LARS2: variants seen among roughly 807,000 people sequenced by gnomAD.
LARS2 encodes leucyl-tRNA synthetase 2, mitochondrial, also known as leucine--tRNA ligase, mitochondrial.
In LARS2, 81 loss-of-function variants were observed where a neutral mutation model predicts 116.6. The observed-to-expected ratio is 0.69, with a 90% CI of 0.58 to 0.84. The LOEUF is 0.84. LARS2 is among the 40% of genes least tolerant of loss of function. The pLI is 0.00. For synonymous variants in LARS2, 396 were observed against 407.2 expected, an observed-to-expected ratio of 0.97 and a Z score of 0.33; for missense variants, 968 against 1,114.5, an observed-to-expected ratio of 0.87 and a Z score of 1.87.
intron 10 of LARS2, among the ~76,000 whole-genome samples, chr3:45,479,126 G>A (rs563739751): frequency 6.6e-6 from 1 of 152,210 alleles, no homozygotes; most frequent in South Asian, 2.1e-4. Flanking sequence ...TCCTGTAGTT[G>A]CTAAGTTTGT....
intron 4 of LARS2, among the ~76,000 whole-genome samples, chr3:45,406,165 A>T (rs1410935355): frequency 1.3e-5 from 2 of 152,202 alleles, no homozygotes; most frequent in African/African-American, 4.8e-5. Context: ...GAGCCTGTGG[A>T]ATTTGAGAAA....
intron 2 of LARS2, among the ~76,000 whole-genome samples, chr3:45,393,263 A>G (rs550510748): frequency 5.2e-5 from 5 of 96,126 alleles, no homozygotes; most frequent in African/African-American, 2.0e-4. Context: ...CCCTGCTAGT[A>G]TGTAATAAGT....
At chr3:45,496,403 A>G (rs1241948861) in intron 14 of LARS2, 30 bp downstream of exon 14, 1 of 1,519,926 alleles carries the variant, frequency 6.6e-7, no homozygotes, top group East Asian at 2.2e-5. Flanking sequence ...GTCTTTGAGC[A>G]TTTGTCAGTG....
At chr3:45,500,325 A>G in intron 14 of LARS2, 117 bp from the exon 15 acceptor site, 1 of 1,051,870 alleles carries the variant, frequency 9.5e-7, no homozygotes, top group Non-Finnish European at 1.4e-6. Context: ...TAAAAAAATC[A>G]TTGTTATTCC....
intron 19 of LARS2, among the ~76,000 whole-genome samples, chr3:45,522,485 C>T (rs557206530): frequency 1.1e-4 from 17 of 152,370 alleles, no homozygotes; most frequent in Non-Finnish European, 1.5e-4. Context: ...AATCCCAGCA[C>T]TGCGGGAGGT....
At chr3:45,545,105 T>G (rs939287883) in intron 21 of LARS2, among the ~76,000 whole-genome samples, 4 of 152,188 alleles carry the variant, frequency 2.6e-5, no homozygotes, top group African/African-American at 9.7e-5. Flanking sequence ...TGACTTCACT[T>G]CATGTGCCTC....
intron 15 of LARS2, among the ~76,000 whole-genome samples, chr3:45,508,203 A>C (rs1700227158): frequency 6.6e-6 from 1 of 152,096 alleles, no homozygotes; most frequent in Non-Finnish European, 1.5e-5. Context: ...AGAAGCAAGC[A>C]GCTGCTCAGG....
intron 6 of LARS2, among the ~76,000 whole-genome samples, chr3:45,426,201 C>T (rs765578512): frequency 9.9e-5 from 15 of 152,032 alleles, no homozygotes; most frequent in Admixed American, 5.2e-4. Flanking sequence ...ACGAAGCCTC[C>T]GGAATAATAG....
chr3:45,540,132 G>C (rs937167491), intron 20 of LARS2, among the ~76,000 whole-genome samples: 1 of 151,788 alleles, frequency 6.6e-6, no homozygotes, highest in African/African-American at 2.4e-5. Context: ...GGTGGCAGGC[G>C]CCTGTAACCC....
Position 45,519,993 on chromosome 3 carries a change from C to G in LARS2, c.2215-226C>G, listed in dbSNP as rs925534819. Among the ~76,000 whole-genome samples the G allele has an allele frequency of 2.6e-5, 4 of 151,994 alleles. No homozygotes were observed. In the East Asian group the frequency reaches 7.7e-4, roughly 29 times the overall value. ...CACCTACTATGAGAACCAACAGTAT[C>G]CCAGATATGTGGAAGAATAGTCTTA... On this transcript the variant is annotated intron_variant, in intron 18 of 21. Transcript: ENST00000645846.
chr3:45,437,311 G>C (rs1698824555), intron 6 of LARS2, among the ~76,000 whole-genome samples: 1 of 152,206 alleles, frequency 6.6e-6, no homozygotes, highest in Non-Finnish European at 1.5e-5. Context: ...CCTAAAGTTA[G>C]TCCTAAGATA....
intron 1 of LARS2, among the ~76,000 whole-genome samples, chr3:45,390,559 G>A (rs920016464): frequency 6.6e-6 from 1 of 151,814 alleles, no homozygotes; most frequent in African/African-American, 2.4e-5. Context: ...TGATCTGCCC[G>A]CCTCAGCCTC....
intron 10 of LARS2, among the ~76,000 whole-genome samples, chr3:45,478,596 A>G (rs979991187): frequency 6.6e-6 from 1 of 152,198 alleles, no homozygotes; most frequent in Non-Finnish European, 1.5e-5. Context: ...TAGTCATTTC[A>G]TTTTGGCAAA....
At chr3:45,511,976 A>G (rs995357161) in intron 15 of LARS2, among the ~76,000 whole-genome samples, 1 of 151,876 alleles carries the variant, frequency 6.6e-6, no homozygotes, top group Non-Finnish European at 1.5e-5. Context: ...GGGTTTCACC[A>G]TGTTGCCCAG....
chr3:45,506,872 C>T (rs531452902), intron 15 of LARS2: 1 of 152,108 alleles, frequency 6.6e-6, no homozygotes, highest in Admixed American at 6.6e-5. Context: ...TCATCACCTG[C>T]ACAGTTAGGC....
intron 14 of LARS2, among the ~76,000 whole-genome samples, chr3:45,497,608 G>T (rs150630371): frequency 2.2e-3 from 341 of 152,198 alleles, no homozygotes; most frequent in African/African-American, 7.9e-3. Flanking sequence ...GTTCATATCA[G>T]ATATAAGGGG....
At chr3:45,475,806 T>A (rs1699599420) in intron 9 of LARS2, among the ~76,000 whole-genome samples, 1 of 152,230 alleles carries the variant, frequency 6.6e-6, no homozygotes, top group Non-Finnish European at 1.5e-5. Flanking sequence ...AGTGGTAGAC[T>A]GTCTTTTAGT....
chr3:45,511,772 T>G (rs973560958), intron 15 of LARS2, among the ~76,000 whole-genome samples: 1 of 16,282 alleles, frequency 6.1e-5, no homozygotes, highest in Non-Finnish European at 2.3e-4. Context: ...ATGCTGCTGA[T>G]TTTTTTTTTT....
At chr3:45,521,016 ATAAT>A (rs1311754782) in intron 19 of LARS2, among the ~76,000 whole-genome samples, 1 of 152,174 alleles carries the variant, frequency 6.6e-6, no homozygotes. Flanking sequence ...AGAAAATAAA[ATAAT>A]TAGGCCAGGC....
Sources: allele counts gnomAD v4.1 joint callset (sites outside exome capture counted in the v4.1 genomes callset), GRCh38; gene constraint gnomAD v4.1.1; transcripts MANE v1.5; gene names NCBI Gene and HGNC (gene_info 2026-07-23, HGNC 2026-07-21).